Variants in UBR1 observed in about 807,000 individuals in gnomAD.
UBR1 encodes the protein ubiquitin protein ligase E3 component n-recognin 1.
UBR1 carries 102 observed loss-of-function variants against 242.1 expected under a neutral mutation model. The observed-to-expected ratio is 0.42, with a 90% CI of 0.36 to 0.50. The LOEUF is 0.50. Ranked by LOEUF, UBR1 falls within the 20% of genes least tolerant of loss-of-function variation. The pLI, the probability that UBR1 is intolerant of heterozygous loss-of-function variation, is 0.01. For synonymous variants in UBR1, 675 were observed against 684.8 expected (o/e 0.99, Z 0.22); for missense variants, 1,772 against 2,101.8 (o/e 0.84, Z 3.07).
At chr15:43,002,339 C>G (rs1273790057) in intron 32 of UBR1, among the ~76,000 whole-genome samples, 1 of 151,960 alleles carries the variant, frequency 6.6e-6, no homozygotes, top group African/African-American at 2.4e-5. Context: ...TCAGCCCCCT[C>G]AAGTAACTGG....
chr15:43,002,472 C>T, intron 32 of UBR1, 83 bp downstream of exon 32: 2 of 1,483,330 alleles, frequency 1.3e-6, no homozygotes, highest in Admixed American at 3.7e-5. Context: ...CCGCCCATCT[C>T]AGTCTCCCAA....
At chr15:43,007,837 C>T (rs1041679887) in intron 29 of UBR1, among the ~76,000 whole-genome samples, 1 of 152,158 alleles carries the variant, frequency 6.6e-6, no homozygotes, top group African/African-American at 2.4e-5. Flanking sequence ...ACAGCTCTTA[C>T]TGTATGTGCC....
At chr15:43,054,572 C>G (rs2033593837) in intron 12 of UBR1, among the ~76,000 whole-genome samples, 170 bp downstream of exon 12, 1 of 152,110 alleles carries the variant, frequency 6.6e-6, no homozygotes, top group Admixed American at 6.6e-5. Context: ...CAATAAGAAG[C>G]CTTCACTGAA....
chr15:42,982,716 A>C (rs987839480), intron 37 of UBR1, among the ~76,000 whole-genome samples: 2 of 152,128 alleles, frequency 1.3e-5, no homozygotes, highest in Non-Finnish European at 2.9e-5. Flanking sequence ...CAAGGTAAAG[A>C]AGTAGGTCTA....
chr15:43,006,827 C>A (rs2141289244), intron 30 of UBR1, among the ~76,000 whole-genome samples: 1 of 151,516 alleles, frequency 6.6e-6, no homozygotes, highest in South Asian at 2.1e-4. Context: ...GAAATATAGC[C>A]AAAGCAACAC....
At chr15:42,952,492 A>G in intron 44 of UBR1, 44 bp from the exon 45 acceptor site, 1 of 1,607,440 alleles carries the variant, frequency 6.2e-7, no homozygotes, top group Non-Finnish European at 8.5e-7. Context: ...GAAAAACAAA[A>G]CAAAACAAAT....
chr15:42,979,619 C>T (rs1365515673), intron 37 of UBR1, among the ~76,000 whole-genome samples: 5 of 152,058 alleles, frequency 3.3e-5, no homozygotes, highest in Non-Finnish European at 4.4e-5. Context: ...GGTGCAATCT[C>T]GGCTCACTAC....
chr15:43,002,663 T>C lies in UBR1; in HGVS notation c.3551A>G (p.His1184Arg). 6.2e-7 allele frequency: 1 copy of C among 1,614,164 alleles called. No individual in the cohort carries two copies. The highest frequency in any genetic ancestry group is 8.5e-7 in the Non-Finnish European group (1 of 1,180,044). ...ACTTTCCAAGTCAAAAAGGTCAACA[T>C]GAATGCGCTGCTGAGAGCTCAGCTG... Reference protein sequence around the residue: ...AVQLSSQQRIHVDLFDLESGE... With the variant: ...AVQLSSQQRIRVDLFDLESGE... The change falls in exon 32 of 47, where the codon CAT becomes CGT. Residue 1184 changes from histidine to arginine, a missense_variant. His to Arg is a conservative substitution (Grantham distance 29, BLOSUM62 0). Transcript: ENST00000290650.
intron 12 of UBR1, among the ~76,000 whole-genome samples, chr15:43,053,262 A>AAATTATTCACC (rs2033577412): frequency 6.6e-6 from 1 of 152,210 alleles, no homozygotes; most frequent in Admixed American, 6.5e-5. Context: ...TGCTGGCTCT[A>AAATTATTCACC]AATTATTCAC....
At chr15:42,985,132 A>G (rs543101062) in intron 35 of UBR1, among the ~76,000 whole-genome samples, 190 bp from the exon 36 acceptor site, 27 of 152,256 alleles carry the variant, frequency 1.8e-4, no homozygotes, top group African/African-American at 6.0e-4. Context: ...TAGAGAATCA[A>G]ATGTATATCA....
intron 29 of UBR1, among the ~76,000 whole-genome samples, chr15:43,015,000 C>T (rs1279227882): frequency 7.3e-5 from 11 of 150,912 alleles, no homozygotes; most frequent in East Asian, 2.0e-4. Flanking sequence ...CCCGGCCAGA[C>T]GCCCCGACTG....
intron 46 of UBR1, among the ~76,000 whole-genome samples, chr15:42,949,292 G>A (rs1350930810): frequency 2.4e-4 from 26 of 106,446 alleles, no homozygotes; most frequent in African/African-American, 9.4e-4. Context: ...GGTGGGGGGA[G>A]GGGGGAGGGA....
intron 13 of UBR1, among the ~76,000 whole-genome samples, 189 bp downstream of exon 13, chr15:43,048,203 T>C (rs1357258879): frequency 1.3e-5 from 2 of 150,212 alleles, no homozygotes; most frequent in Admixed American, 6.6e-5. Flanking sequence ...AAAAAAAAAG[T>C]AGCAATAGTA....
At chr15:43,002,748 C>A in intron 31 of UBR1, 44 bp from the exon 32 acceptor site, 3 of 1,606,752 alleles carry the variant, frequency 1.9e-6, no homozygotes, top group Non-Finnish European at 2.6e-6. Flanking sequence ...ACTACACATG[C>A]ATCTCTACAT....
At position 43,026,600 on chromosome 15, in the gene UBR1, A is replaced by G. The variant is rs2033180994; in HGVS notation, c.2496T>C (p.Asn832=). The G allele has an allele frequency of 6.2e-7, 1 of 1,613,472 alleles. No homozygotes were observed. Among genetic ancestry groups the G allele is most frequent in the East Asian group, 2.2e-5 (1 of 44,740 alleles). Residue 832 remains asparagine, a synonymous_variant, in exon 23 of 47, where the codon AAT becomes AAC. Coordinates refer to ENST00000290650, the MANE Select transcript of UBR1 (RefSeq NM_174916.3). ...ELKDESLKDF[N]MYFYHYSKTQ... The stretch of plus-strand genomic sequence containing the variant: ...TTTTGGAGTAATGATAAAAGTACAT[A>G]TTGAAGTCTTTCAGTGATTCATCTT...
At position 42,944,160 on chromosome 15, in the gene UBR1, T is replaced by C. The variant is rs889556452; in HGVS notation, c.*1169A>G. The C allele has an allele frequency of 1.3e-5, 2 of 152,458 alleles. No homozygotes were observed. Among genetic ancestry groups the C allele is most frequent in the South Asian group, 2.1e-4 (1 of 4,836 alleles). 9.4% of individuals were successfully genotyped at this position (152,458 alleles called of 1,614,324 possible). ...GTAAGTTAAAATGGAAGGTTTCCAT[T>C]TATCTTCTGCTGTTTTATATCACAA... On this transcript the variant is annotated 3_prime_UTR_variant, in exon 47 of 47. Coordinates refer to ENST00000290650, the MANE Select transcript of UBR1 (RefSeq NM_174916.3).
At chr15:43,077,383 G>A (rs2033919591) in intron 3 of UBR1, among the ~76,000 whole-genome samples, 1 of 151,882 alleles carries the variant, frequency 6.6e-6, no homozygotes, top group South Asian at 2.1e-4. Context: ...AACATGTGCT[G>A]TGTCCACTCA....
chr15:42,989,968 C>T (rs1362849406), intron 34 of UBR1, 62 bp downstream of exon 34: 2 of 1,197,880 alleles, frequency 1.7e-6, no homozygotes, highest in East Asian at 4.9e-5. Context: ...GAAGCCTACA[C>T]TGTTTCCTAC....
At chr15:43,025,004 A>G in intron 24 of UBR1, 21 bp from the exon 25 acceptor site, 1 of 1,613,252 alleles carries the variant, frequency 6.2e-7, no homozygotes, top group East Asian at 2.2e-5. Flanking sequence ...TGGGGAATGG[A>G]TGGGGAAAGA....
Sources: gnomAD v4.1 joint callset for allele counts (sites outside exome capture counted in the v4.1 genomes callset) on GRCh38, gnomAD v4.1.1 for gene constraint, MANE v1.5 for transcripts, NCBI Gene and HGNC (gene_info 2026-07-23, HGNC 2026-07-21) for gene names.